The following GABBR2 variants were observed in gnomAD, a reference collection of about 807,000 sequenced individuals.
The protein encoded by GABBR2 is G-protein coupled receptor 51.
GABBR2 carries 23 observed loss-of-function variants against 105.6 expected under a neutral mutation model. That is an observed-to-expected ratio of 0.22 (90% CI 0.16 to 0.31). The LOEUF (loss-of-function observed/expected upper bound fraction) is 0.31, where lower values mean the gene tolerates loss of function less well. Among genes scored for constraint, GABBR2 ranks in the 10% least tolerant of loss-of-function variants. The pLI, the probability that GABBR2 is intolerant of heterozygous loss-of-function variation, is 1.00. For missense variants in GABBR2, 734 were observed against 1,245.5 expected, an observed-to-expected ratio of 0.59 and a Z score of 6.18; for synonymous variants, 478 against 499.7, an observed-to-expected ratio of 0.96 and a Z score of 0.58.
chr9:98,613,927 A>G (rs1829544016), intron 1 of GABBR2, among the ~76,000 whole-genome samples: 1 of 152,246 alleles, frequency 6.6e-6, no homozygotes. Context: ...TAACTGTAAC[A>G]CGAAAATAAT....
chr9:98,453,392 A>G (rs536878877), intron 7 of GABBR2, among the ~76,000 whole-genome samples: 1 of 152,260 alleles, frequency 6.6e-6, no homozygotes, highest in Non-Finnish European at 1.5e-5. Context: ...TTATTACACA[A>G]TTAAACTTGA....
chr9:98,439,370 A>G (rs1825990679), intron 7 of GABBR2, among the ~76,000 whole-genome samples: 1 of 152,206 alleles, frequency 6.6e-6, no homozygotes, highest in South Asian at 2.1e-4. Flanking sequence ...GTTACTGCAG[A>G]AATTTGCTTA....
chr9:98,368,256 C>T (rs1206376115), intron 12 of GABBR2, among the ~76,000 whole-genome samples: 3 of 136,172 alleles, frequency 2.2e-5, no homozygotes, highest in Non-Finnish European at 4.6e-5. Context: ...CTGTCTCTGA[C>T]ATCATTACCC....
chr9:98,605,255 T>C (rs1297769992), intron 1 of GABBR2, among the ~76,000 whole-genome samples: 1 of 152,228 alleles, frequency 6.6e-6, no homozygotes, highest in African/African-American at 2.4e-5. Flanking sequence ...TCAGGTGCTG[T>C]GAGCCCCAGA....
intron 7 of GABBR2, among the ~76,000 whole-genome samples, chr9:98,448,035 G>A (rs566500577): frequency 1.1e-4 from 16 of 152,130 alleles, no homozygotes; most frequent in African/African-American, 2.4e-4. Context: ...AACAGCCATC[G>A]GAGGTGAAAT....
At chr9:98,440,052 C>T (rs1826003211) in intron 7 of GABBR2, among the ~76,000 whole-genome samples, 1 of 152,150 alleles carries the variant, frequency 6.6e-6, no homozygotes, top group African/African-American at 2.4e-5. Context: ...TTACCCTCCA[C>T]CATGAGGAAC....
At chr9:98,373,465 G>A (rs1564036739) in intron 11 of GABBR2, among the ~76,000 whole-genome samples, 1 of 151,930 alleles carries the variant, frequency 6.6e-6, no homozygotes, top group African/African-American at 2.4e-5. Context: ...GCTTTGACCC[G>A]GTCCAGGCCT....
At chr9:98,607,349 C>A in intron 1 of GABBR2, 1 of 732,636 alleles carries the variant, frequency 1.4e-6, no homozygotes, top group Non-Finnish European at 2.5e-6. Context: ...GGACTTAAAC[C>A]ATTGAATATT....
At chr9:98,501,256 T>C (rs1172469016) in intron 3 of GABBR2, among the ~76,000 whole-genome samples, 1 of 151,172 alleles carries the variant, frequency 6.6e-6, no homozygotes, top group Admixed American at 6.6e-5. Context: ...TCTCCGCCTC[T>C]CAGCTTCAAG....
intron 1 of GABBR2, among the ~76,000 whole-genome samples, chr9:98,687,811 A>G (rs1830639169): frequency 6.6e-6 from 1 of 152,198 alleles, no homozygotes; most frequent in African/African-American, 2.4e-5. Flanking sequence ...AATGCCCAAC[A>G]CAGTGCCTGG....
chr9:98,514,210 C>A (rs1827711545), intron 3 of GABBR2, among the ~76,000 whole-genome samples: 1 of 131,340 alleles, frequency 7.6e-6, no homozygotes, highest in South Asian at 2.4e-4. Flanking sequence ...ACAATGAGAT[C>A]ACATGGACAC....
chr9:98,444,895 A>T (rs775862531), intron 7 of GABBR2, among the ~76,000 whole-genome samples: 1 of 151,622 alleles, frequency 6.6e-6, no homozygotes, highest in Non-Finnish European at 1.5e-5. Context: ...ACACACACAC[A>T]CACACGCACG....
chr9:98,434,381 G>A (rs935822789), intron 7 of GABBR2, among the ~76,000 whole-genome samples: 1 of 152,176 alleles, frequency 6.6e-6, no homozygotes, highest in Non-Finnish European at 1.5e-5. Flanking sequence ...CAGGGAACAT[G>A]GTGGGGCTCA....
intron 1 of GABBR2, among the ~76,000 whole-genome samples, chr9:98,703,281 C>G (rs964335684): frequency 6.6e-6 from 1 of 151,994 alleles, no homozygotes. Context: ...TCATTTGAGC[C>G]CCTGGATTTG....
chr9:98,510,814 T>C (rs1827623576), intron 3 of GABBR2, among the ~76,000 whole-genome samples: 1 of 151,996 alleles, frequency 6.6e-6, no homozygotes, highest in Admixed American at 6.6e-5. Flanking sequence ...TCCCACACAA[T>C]AATAATGGGA....
intron 3 of GABBR2, chr9:98,515,902 C>G (rs1211923415): frequency 6.6e-6 from 1 of 152,328 alleles, no homozygotes; most frequent in Non-Finnish European, 1.5e-5. Flanking sequence ...AGGGTCAAGA[C>G]TGATACTCAT....
chr9:98,513,505 C>T (rs1827696186), intron 3 of GABBR2, among the ~76,000 whole-genome samples: 1 of 151,802 alleles, frequency 6.6e-6, no homozygotes, highest in Non-Finnish European at 1.5e-5. Flanking sequence ...GCAACCTACT[C>T]ATCTGACAAA....
chr9:98,396,737 G>T lies in GABBR2; in HGVS notation c.1298-2482C>A, dbSNP rs145321455. Among the ~76,000 whole-genome samples, 308 of 152,296 alleles carry T rather than the reference G, an allele frequency of 2.0e-3. 3 individuals carry two copies. The highest frequency in any genetic ancestry group is 7.1e-3 in the African/African-American group (293 of 41,560). ...AGGGAGGCAGCGCATGAAATATGCA[G>T]GTTGATCAGAATCAATCATCAAGAG... On this transcript the variant is annotated intron_variant, in intron 8 of 18. Coordinates refer to ENST00000259455, the MANE Select transcript of GABBR2 (RefSeq NM_005458.8).
chr9:98,404,825 T>C (rs1332936947), intron 8 of GABBR2, among the ~76,000 whole-genome samples: 3 of 151,868 alleles, frequency 2.0e-5, no homozygotes, highest in Non-Finnish European at 4.4e-5. Context: ...AAATGTTCTG[T>C]AAAAAGTGGT....
Sources: allele counts gnomAD v4.1 joint callset (sites outside exome capture counted in the v4.1 genomes callset), GRCh38; gene constraint gnomAD v4.1.1; transcripts MANE v1.5; gene names NCBI Gene and HGNC (gene_info 2026-07-23, HGNC 2026-07-21).